SPECC1L: variants seen among roughly 807,000 people sequenced by gnomAD.
The protein encoded by SPECC1L is sperm antigen with calponin homology and coiled-coil domains 1 like.
A neutral mutation model predicts 116.8 loss-of-function variants in SPECC1L; 40 were observed. The observed-to-expected ratio is 0.34, with a 90% confidence interval of 0.27 to 0.45. The LOEUF (loss-of-function observed/expected upper bound fraction) is 0.45. SPECC1L is among the 20% of genes least tolerant of loss of function. The pLI is 1.00. For synonymous variants in SPECC1L, 504 were observed against 500.6 expected, an observed-to-expected ratio of 1.01 and a Z score of -0.09; for missense variants, 1,110 against 1,373.6, an observed-to-expected ratio of 0.81 and a Z score of 3.03.
chr22:24,277,946 C>G (rs5996683), intron 2 of SPECC1L, among the ~76,000 whole-genome samples: 1 of 130,660 alleles, frequency 7.7e-6, no homozygotes, highest in Non-Finnish European at 1.7e-5. Flanking sequence ...ATGTTAAACA[C>G]TTTGAGAAAC....
At chr22:24,360,373 A>G (rs769039395) in intron 11 of SPECC1L, among the ~76,000 whole-genome samples, 2 of 152,220 alleles carry the variant, frequency 1.3e-5, no homozygotes, top group African/African-American at 2.4e-5. Flanking sequence ...TTTAACACAA[A>G]TAATTTTTAA....
chr22:24,276,588 C>T (rs1302520220), intron 1 of SPECC1L, 112 bp from the exon 2 acceptor site: 2 of 311,884 alleles, frequency 6.4e-6, no homozygotes, highest in Non-Finnish European at 1.3e-5. Context: ...GGCAGCATTG[C>T]AAGAGCCCAG....
At chr22:24,323,768 A>G (rs182628156) in intron 5 of SPECC1L, among the ~76,000 whole-genome samples, 37 of 152,350 alleles carry the variant, frequency 2.4e-4, no homozygotes, top group African/African-American at 8.4e-4. Context: ...TTCTTGGCAC[A>G]TACATGTTGA....
At chr22:24,319,907 T>A (rs1472770940) in intron 4 of SPECC1L, among the ~76,000 whole-genome samples, 7 of 152,234 alleles carry the variant, frequency 4.6e-5, no homozygotes, top group Admixed American at 2.0e-4. Flanking sequence ...CATAAAAATT[T>A]GTTATTTCTT....
In SPECC1L at chr22:24,311,804, C is replaced by CAAAA. The variant is rs915422222; in HGVS notation, c.154-1488_154-1485dup. ...TCGGTGACAGAGTGAGACTTTGTCT[C>CAAAA]AAAAAAAAAAAAAAAAAAAAAAAAG... is the stretch of plus-strand genomic sequence containing the variant. On this transcript the variant is annotated intron_variant, in intron 3 of 16. Coordinates refer to ENST00000314328, the MANE Select transcript of SPECC1L (RefSeq NM_015330.6). Among the ~76,000 whole-genome samples the CAAAA allele has an allele frequency of 4.7e-4, 22 of 46,554 alleles. 1 individual carries two copies. In the South Asian group the frequency reaches 6.3e-3, roughly 13 times the overall value. The allele number at this position is 46,554 out of a possible 152,430, so 30.5% of individuals were successfully genotyped here. A position where few individuals can be genotyped will look rare whatever the true frequency, so the allele number is the denominator to read the frequency against.
chr22:24,299,119 T>C (rs1569410341), intron 2 of SPECC1L, among the ~76,000 whole-genome samples: 2 of 152,202 alleles, frequency 1.3e-5, no homozygotes, highest in South Asian at 4.1e-4. Flanking sequence ...CCTAATATAG[T>C]CCTGCCTGAA....
At chr22:24,343,204 CT>C (rs2041215624) in intron 10 of SPECC1L, among the ~76,000 whole-genome samples, 1 of 151,782 alleles carries the variant, frequency 6.6e-6, no homozygotes, top group African/African-American at 2.4e-5. Context: ...AAAAAAAATT[CT>C]TTTTTTGAGG....
At chr22:24,369,500 A>G (rs1306733198) in intron 14 of SPECC1L, among the ~76,000 whole-genome samples, 180 bp downstream of exon 14, 1 of 152,044 alleles carries the variant, frequency 6.6e-6, no homozygotes, top group Non-Finnish European at 1.5e-5. Flanking sequence ...CCAGGAGTTC[A>G]AGCCTGGGCA....
intron 14 of SPECC1L, among the ~76,000 whole-genome samples, chr22:24,371,017 AG>A (rs1384375294): frequency 6.6e-6 from 1 of 152,192 alleles, no homozygotes; most frequent in Non-Finnish European, 1.5e-5. Context: ...CAATCATATG[AG>A]TATACTTAAT....
chr22:24,340,463 T>A (rs907571887), intron 10 of SPECC1L, among the ~76,000 whole-genome samples: 1 of 152,158 alleles, frequency 6.6e-6, no homozygotes, highest in Non-Finnish European at 1.5e-5. Flanking sequence ...ATGCTTTTTT[T>A]ATGTGCTCTC....
chr22:24,371,790 T>TGGTTCACGGCAGGCTCC (rs1239253234), intron 14 of SPECC1L, among the ~76,000 whole-genome samples: 2 of 152,170 alleles, frequency 1.3e-5, no homozygotes, highest in African/African-American at 4.8e-5. Context: ...GGTGCGACCT[T>TGGTTCACGGCAGGCTCC]GGTTCACGGC....
chr22:24,327,577 C>G (rs988583789), intron 6 of SPECC1L, among the ~76,000 whole-genome samples: 1 of 151,728 alleles, frequency 6.6e-6, no homozygotes, highest in Admixed American at 6.6e-5. Context: ...TGTTATTTAC[C>G]CAGAAACACT....
intron 11 of SPECC1L, among the ~76,000 whole-genome samples, chr22:24,352,021 A>G (rs2015686): frequency 0.061 from 9,258 of 152,008 alleles, 850 homozygotes; most frequent in African/African-American, 0.19. Flanking sequence ...TTGCTCTACA[A>G]TAGTTTTTTT....
At chr22:24,351,099 C>T (rs2041412557) in intron 11 of SPECC1L, among the ~76,000 whole-genome samples, 1 of 152,216 alleles carries the variant, frequency 6.6e-6, no homozygotes, top group Admixed American at 6.5e-5. Flanking sequence ...TCCACTGCTG[C>T]TTTCCAGGCT....
At chr22:24,321,183 A>T in intron 4 of SPECC1L, 105 bp from the exon 5 acceptor site, 1 of 1,259,146 alleles carries the variant, frequency 7.9e-7, no homozygotes, top group Non-Finnish European at 1.1e-6. Flanking sequence ...ATCATTGTGT[A>T]GATCCTGGAT....
In SPECC1L at chr22:24,390,872, C is replaced by CTT. The variant is rs1016008966; in HGVS notation, c.3088-20691_3088-20690dup. ...TGTTCCTTTTTTTTTTTTTTCTTTT[C>CTT]TTTTTTTTTTTTTTTTTTTTTTTTT... On this transcript the variant is annotated intron_variant, in intron 14 of 16. Coordinates refer to ENST00000314328, the MANE Select transcript of SPECC1L (RefSeq NM_015330.6). Among the ~76,000 whole-genome samples, 355 of 57,132 alleles carry CTT rather than the reference C, an allele frequency of 6.2e-3. 22 individuals are homozygous for CTT. Among genetic ancestry groups the CTT allele is most frequent in the African/African-American group, 0.023 (308 of 13,216 alleles). The allele number at this position is 57,132 out of a possible 152,430, so 37.5% of individuals were successfully genotyped here. A position where few individuals can be genotyped will look rare whatever the true frequency, so the allele number is the denominator to read the frequency against.
chr22:24,405,594 T>G (rs1171446974), intron 14 of SPECC1L, among the ~76,000 whole-genome samples: 7 of 151,952 alleles, frequency 4.6e-5, no homozygotes, highest in African/African-American at 1.7e-4. Flanking sequence ...AATCCCAACA[T>G]TTTGGGAGGC....
intron 8 of SPECC1L, among the ~76,000 whole-genome samples, chr22:24,332,319 A>G (rs114649339): frequency 1.3e-5 from 2 of 152,350 alleles, no homozygotes; most frequent in African/African-American, 2.4e-5. Context: ...AAAAAAATGT[A>G]TAATGACAGA....
intron 14 of SPECC1L, among the ~76,000 whole-genome samples, chr22:24,387,088 G>C (rs1318679675): frequency 1.3e-5 from 2 of 152,152 alleles, no homozygotes; most frequent in Non-Finnish European, 2.9e-5. Flanking sequence ...TAGCCAGTTT[G>C]GAAAATGTTG....
Sources: gnomAD v4.1 joint callset for allele counts (sites outside exome capture counted in the v4.1 genomes callset) on GRCh38, gnomAD v4.1.1 for gene constraint, MANE v1.5 for transcripts, NCBI Gene and HGNC (gene_info 2026-07-23, HGNC 2026-07-21) for gene names.